Variants in CMIP observed in about 807,000 individuals in gnomAD.
The protein encoded by CMIP is C-Maf-inducing protein.
In CMIP, 13 loss-of-function variants were observed where a neutral mutation model predicts 97.3. The ratio of observed to expected loss-of-function variants is 0.13; its 90% CI spans 0.09 to 0.21. CMIP has a LOEUF of 0.21. CMIP is among the 10% of genes least tolerant of loss of function. The probability of loss-of-function intolerance (pLI) is 1.00; values close to 1 mark genes in which losing one functional copy is unlikely to be tolerated. For synonymous variants in CMIP, 538 were observed against 436.3 expected, an observed-to-expected ratio of 1.23 and a Z score of -2.91; for missense variants, 847 against 1,024.9, an observed-to-expected ratio of 0.83 and a Z score of 2.37.
At chr16:81,516,950 A>G (rs1023756925) in intron 1 of CMIP, among the ~76,000 whole-genome samples, 1 of 151,910 alleles carries the variant, frequency 6.6e-6, no homozygotes, top group Non-Finnish European at 1.5e-5. Context: ...GAAAAACCAG[A>G]TGGCCTCCAA....
chr16:81,482,387 C>G (rs1263909892), intron 1 of CMIP, among the ~76,000 whole-genome samples: 3 of 152,260 alleles, frequency 2.0e-5, no homozygotes, highest in Middle Eastern at 3.4e-3. Context: ...GGCAGGCAAT[C>G]TAAGGCCTGG....
chr16:81,544,251 G>C (rs1480636852), intron 1 of CMIP, among the ~76,000 whole-genome samples: 3 of 152,248 alleles, frequency 2.0e-5, no homozygotes, highest in Non-Finnish European at 4.4e-5. Flanking sequence ...TGTGGGTGCT[G>C]GGCAGAGGGG....
intron 3 of CMIP, chr16:81,645,689 G>T: frequency 1.4e-6 from 2 of 1,430,646 alleles, no homozygotes; most frequent in Non-Finnish European, 1.9e-6. Flanking sequence ...TCTGCCTGCT[G>T]TCTCTGCTTG....
chr16:81,458,573 G>C (rs961622713), intron 1 of CMIP, among the ~76,000 whole-genome samples: 1 of 152,170 alleles, frequency 6.6e-6, no homozygotes, highest in Non-Finnish European at 1.5e-5. Context: ...GGATCAGGAA[G>C]GAGGAAACCC....
At chr16:81,584,830 A>G (rs1379157341) in intron 1 of CMIP, among the ~76,000 whole-genome samples, 3 of 152,196 alleles carry the variant, frequency 2.0e-5, no homozygotes, top group Non-Finnish European at 4.4e-5. Flanking sequence ...TTCTGCAAGG[A>G]AGGGGTTCAT....
At chr16:81,664,006 G>A (rs1305416658) in intron 6 of CMIP, among the ~76,000 whole-genome samples, 1 of 152,202 alleles carries the variant, frequency 6.6e-6, no homozygotes, top group African/African-American at 2.4e-5. Context: ...AAAGGAGCAT[G>A]TGCAGTGATC....
At chr16:81,678,049 G>C (rs1180623859) in intron 9 of CMIP, among the ~76,000 whole-genome samples, 1 of 152,220 alleles carries the variant, frequency 6.6e-6, no homozygotes, top group African/African-American at 2.4e-5. Context: ...GGGCTGTAGA[G>C]ACAGGCAACC....
chr16:81,552,260 T>C (rs2090673970), intron 1 of CMIP, among the ~76,000 whole-genome samples: 1 of 152,120 alleles, frequency 6.6e-6, no homozygotes, highest in Non-Finnish European at 1.5e-5. Flanking sequence ...TCACTTGGGC[T>C]GATAAGGGCT....
chr16:81,605,932 C>G (rs2091736597), intron 1 of CMIP, among the ~76,000 whole-genome samples: 1 of 152,200 alleles, frequency 6.6e-6, no homozygotes, highest in South Asian at 2.1e-4. Context: ...ATTGATCAAT[C>G]TTTTGTACTT....
chr16:81,478,110 C>T (rs769425402), intron 1 of CMIP, among the ~76,000 whole-genome samples: 2 of 152,212 alleles, frequency 1.3e-5, no homozygotes, highest in African/African-American at 4.8e-5. Context: ...CTGCCACTGC[C>T]CTTCCCCCCC....
intron 20 of CMIP, among the ~76,000 whole-genome samples, chr16:81,708,604 C>A (rs372280756): frequency 1.3e-5 from 2 of 152,206 alleles, no homozygotes; most frequent in East Asian, 3.9e-4. Context: ...GGGACTCGAG[C>A]AAACAGCAGC....
At chr16:81,454,363 C>T (rs191894098) in intron 1 of CMIP, among the ~76,000 whole-genome samples, 12 of 152,294 alleles carry the variant, frequency 7.9e-5, no homozygotes, top group Admixed American at 3.3e-4. Context: ...GGTCTGACCC[C>T]GTGTCTGTGT....
chr16:81,489,183 C>T (rs1419390262), intron 1 of CMIP, among the ~76,000 whole-genome samples: 2 of 152,102 alleles, frequency 1.3e-5, no homozygotes, highest in Admixed American at 6.5e-5. Flanking sequence ...GAAAGGCGGG[C>T]AAGGAGGGGT....
At chr16:81,699,566 C>T in intron 14 of CMIP, 119 bp from the exon 15 acceptor site, 1 of 643,044 alleles carries the variant, frequency 1.6e-6, no homozygotes. Flanking sequence ...GAACACCTGG[C>T]TGTCTGGACA....
chr16:81,562,916 C>G (rs758353029), intron 1 of CMIP, among the ~76,000 whole-genome samples: 1 of 152,314 alleles, frequency 6.6e-6, no homozygotes, highest in East Asian at 1.9e-4. Context: ...TTGCCCTTGT[C>G]TGCTGGGATC....
intron 3 of CMIP, chr16:81,645,848 A>T: frequency 3.6e-6 from 2 of 552,370 alleles, no homozygotes; most frequent in Non-Finnish European, 6.5e-6. Context: ...ATATTATCTC[A>T]TGAAATAGTC....
chr16:81,671,025 C>G lies in CMIP; in HGVS notation c.929+780C>G, dbSNP rs1241477170. Among the ~76,000 whole-genome samples the G allele has an allele frequency of 5.3e-5, 8 of 152,126 alleles. No individual in the cohort carries two copies. The East Asian group carries it at 1.5e-3, about 29-fold the overall frequency. On this transcript the variant is annotated intron_variant, in intron 8 of 20. Coordinates refer to ENST00000537098, the MANE Select transcript of CMIP (RefSeq NM_198390.3). ...TGTATTTTTAGTAGAGATGGGGTTT[C>G]AACATGTTGGCCAGGCTAGTCTTGA...
intron 1 of CMIP, among the ~76,000 whole-genome samples, chr16:81,487,472 C>G (rs111301285): frequency 3.3e-5 from 5 of 152,288 alleles, no homozygotes; most frequent in African/African-American, 9.6e-5. Flanking sequence ...GAGCCTGTGG[C>G]CTGCCAAGCG....
In CMIP at chr16:81,473,031, C is replaced by T. The variant is rs925601769; in HGVS notation, c.300+27490C>T. Among the ~76,000 whole-genome samples the T allele has an allele frequency of 3.9e-5, 6 of 152,190 alleles. No homozygotes were observed. In the East Asian group the frequency reaches 1.2e-3, roughly 29 times the overall value. ...CAAGCTTACATAGATCCCATCTCCT[C>T]TGCATACCCTCAGCATCCTGATCTA... On this transcript the variant is annotated intron_variant, in intron 1 of 20. Coordinates refer to ENST00000537098, the MANE Select transcript of CMIP (RefSeq NM_198390.3).
Sources: allele counts gnomAD v4.1 joint callset (sites outside exome capture counted in the v4.1 genomes callset), GRCh38; gene constraint gnomAD v4.1.1; transcripts MANE v1.5; gene names NCBI Gene and HGNC (gene_info 2026-07-23, HGNC 2026-07-21).